PCDHA6: variants seen among roughly 807,000 people sequenced by gnomAD.
PCDHA6 encodes protocadherin alpha-6.
Under a neutral mutation model 60.3 loss-of-function variants are expected in PCDHA6, and 55 were observed. The ratio of observed to expected loss-of-function variants is 0.91; its 90% confidence interval spans 0.73 to 1.14. The LOEUF (loss-of-function observed/expected upper bound fraction) is 1.14. Ranked by LOEUF, PCDHA6 falls within the 50% of genes most tolerant of loss-of-function variation. PCDHA6 has a pLI of 0.00. For synonymous variants in PCDHA6, 652 were observed against 557.9 expected (o/e 1.17, Z -2.38); for missense variants, 1,327 against 1,256.5 (o/e 1.06, Z -0.85).
intron 1 of PCDHA6, among the ~76,000 whole-genome samples, chr5:140,974,407 A>T (rs1441174003): frequency 6.6e-6 from 1 of 152,244 alleles, no homozygotes; most frequent in African/African-American, 2.4e-5. Flanking sequence ...TTCTAAAGTT[A>T]TGTTTATTTT....
intron 1 of PCDHA6, among the ~76,000 whole-genome samples, chr5:140,840,448 G>T (rs1381266800): frequency 1.3e-5 from 2 of 151,904 alleles, no homozygotes; most frequent in Non-Finnish European, 2.9e-5. Flanking sequence ...AAATAGAAAC[G>T]TTAAATAAAA....
In PCDHA6 at chr5:140,849,851, A is replaced by G. The variant is rs148732691; in HGVS notation, c.2394+19366A>G. 6 of 1,598,254 alleles carry G rather than the reference A, an allele frequency of 3.8e-6. 1 individual carries two copies. The highest frequency in any genetic ancestry group is 2.2e-5 in the East Asian group (1 of 44,844). On this transcript the variant is annotated intron_variant, in intron 1 of 3. Coordinates refer to ENST00000529310, the MANE Select transcript of PCDHA6 (RefSeq NM_018909.4). ...AGGTGGCCGACGTGAACGACAACGC[A>G]CCAGCGTTCGCGCAGTCCGAGTACA...
At chr5:141,005,718 A>T (rs1554260304) in intron 3 of PCDHA6, among the ~76,000 whole-genome samples, 1 of 149,548 alleles carries the variant, frequency 6.7e-6, no homozygotes, top group Non-Finnish European at 1.5e-5. Context: ...AAAAAAAAAA[A>T]AAAAAAAAAA....
chr5:140,950,254 T>C (rs1554219388), intron 1 of PCDHA6, among the ~76,000 whole-genome samples: 1 of 152,040 alleles, frequency 6.6e-6, no homozygotes. Context: ...CCTAAAGAGC[T>C]GAGTTTATCC....
intron 1 of PCDHA6, chr5:140,967,145 A>C: frequency 1.2e-6 from 2 of 1,610,892 alleles, no homozygotes; most frequent in Non-Finnish European, 8.5e-7. Context: ...GCTGGCGCAC[A>C]ACCCCGTGGC....
intron 1 of PCDHA6, chr5:140,856,914 G>A (rs1554149290): frequency 1.3e-6 from 2 of 1,596,230 alleles, no homozygotes; most frequent in East Asian, 4.5e-5. Flanking sequence ...CCCACGATAA[G>A]AAGGAAATTT....
At chr5:140,852,583 T>C in intron 1 of PCDHA6, 2 of 394,934 alleles carry the variant, frequency 5.1e-6, no homozygotes, top group Non-Finnish European at 6.7e-6. Context: ...GGCTTTTTTA[T>C]TTTTTTTTTT....
chr5:141,003,445 G>A (rs2098125256), intron 3 of PCDHA6, among the ~76,000 whole-genome samples: 1 of 152,112 alleles, frequency 6.6e-6, no homozygotes, highest in African/African-American at 2.4e-5. Flanking sequence ...CCAAGTAGAT[G>A]AAATTACAGG....
At chr5:140,938,209 G>A (rs1210350140) in intron 1 of PCDHA6, among the ~76,000 whole-genome samples, 3 of 152,160 alleles carry the variant, frequency 2.0e-5, no homozygotes, top group Admixed American at 6.5e-5. Flanking sequence ...GCCTCCCAAA[G>A]TGCTGGGATT....
chr5:140,951,544 G>T (rs543008494), intron 1 of PCDHA6, among the ~76,000 whole-genome samples: 1 of 151,878 alleles, frequency 6.6e-6, no homozygotes, highest in Non-Finnish European at 1.5e-5. Flanking sequence ...AGCAAGGGAC[G>T]GGGGGAAGTG....
intron 1 of PCDHA6, chr5:140,857,354 G>T (rs1449369579): frequency 6.3e-7 from 1 of 1,598,378 alleles, no homozygotes. Context: ...TCCGCTGTGG[G>T]CCACGGCCAG....
At chr5:140,922,863 G>A (rs1429324543) in intron 1 of PCDHA6, among the ~76,000 whole-genome samples, 10 of 152,160 alleles carry the variant, frequency 6.6e-5, no homozygotes, top group Admixed American at 5.2e-4. Context: ...ACATAGACAA[G>A]GGGAAAAAAT....
At chr5:141,003,536 C>T (rs1409675219) in intron 3 of PCDHA6, among the ~76,000 whole-genome samples, 1 of 152,152 alleles carries the variant, frequency 6.6e-6, no homozygotes, top group Non-Finnish European at 1.5e-5. Context: ...TGGTCTTGAA[C>T]TCCTGGCTTC....
intron 1 of PCDHA6, among the ~76,000 whole-genome samples, chr5:140,933,894 A>G (rs2089494206): frequency 6.6e-6 from 1 of 151,894 alleles, no homozygotes; most frequent in Non-Finnish European, 1.5e-5. Context: ...ACTTTTGAAT[A>G]TTTTGGCATA....
At chr5:140,874,680 T>C (rs1018074001) in intron 1 of PCDHA6, among the ~76,000 whole-genome samples, 1 of 152,258 alleles carries the variant, frequency 6.6e-6, no homozygotes, top group Non-Finnish European at 1.5e-5. Flanking sequence ...TCCTGAGATT[T>C]GTTTTAACAT....
In PCDHA6 at chr5:140,830,306, C is replaced by T; in HGVS notation, c.2215C>T (p.Leu739=). 11 of 1,613,980 alleles carry T rather than the reference C, an allele frequency of 6.8e-6. No homozygotes were observed. The highest frequency in any genetic ancestry group is 9.3e-6 in the Non-Finnish European group (11 of 1,179,910). The change falls in exon 1 of 4, where the codon CTG becomes TTG. Residue 739 remains leucine, a synonymous_variant. Coordinates refer to ENST00000529310, the MANE Select transcript of PCDHA6 (RefSeq NM_018909.4). ...CGCGTGCACGGCGGACAAGCCCACG[C>T]TGGTGTGCTCCAGCGCAGTGGGGAG... is the stretch of plus-strand genomic sequence containing the variant. ...EGACTADKPT[L]VCSSAVGSWS...
At chr5:140,862,209 A>C (rs2047255709) in intron 1 of PCDHA6, 2 of 201,904 alleles carry the variant, frequency 9.9e-6, no homozygotes, top group South Asian at 2.0e-4. Flanking sequence ...TGATCACTGC[A>C]CAGACTTGAT....
intron 1 of PCDHA6, chr5:140,834,770 C>A (rs2150226024): frequency 6.8e-6 from 11 of 1,613,922 alleles, no homozygotes; most frequent in Middle Eastern, 3.3e-4. Context: ...TTAACGACAA[C>A]CCTCCGGTGT....
chr5:140,859,624 G>A (rs11749013), intron 1 of PCDHA6: 1 of 160,568 alleles, frequency 6.2e-6, no homozygotes, highest in Non-Finnish European at 1.4e-5. Flanking sequence ...TTCTCTTTGA[G>A]TATGGAGATT....
Sources: gnomAD v4.1 joint callset for allele counts (sites outside exome capture counted in the v4.1 genomes callset) on GRCh38, gnomAD v4.1.1 for gene constraint, MANE v1.5 for transcripts, NCBI Gene and HGNC (gene_info 2026-07-23, HGNC 2026-07-21) for gene names.